Variants in SCAPER observed in about 807,000 individuals in gnomAD.
SCAPER encodes the protein S-phase cyclin A associated protein in the ER.
SCAPER carries 98 observed loss-of-function variants against 182.2 expected under a neutral mutation model. The ratio of observed to expected loss-of-function variants is 0.54; its 90% CI spans 0.46 to 0.64. SCAPER has a LOEUF of 0.64. Ranked by LOEUF, SCAPER falls within the 30% of genes least tolerant of loss-of-function variation. The probability of loss-of-function intolerance (pLI) is 0.00; values close to 1 mark genes in which losing one functional copy is unlikely to be tolerated. For missense variants in SCAPER, 1,432 were observed against 1,690.0 expected (o/e 0.85, Z 2.68); for synonymous variants, 605 against 564.6 (o/e 1.07, Z -1.01).
chr15:76,694,272 G>C (rs762079432), intron 20 of SCAPER, among the ~76,000 whole-genome samples: 1 of 152,004 alleles, frequency 6.6e-6, no homozygotes, highest in Non-Finnish European at 1.5e-5. Context: ...TCTTTCATCA[G>C]TATCTTACAG....
intron 26 of SCAPER, among the ~76,000 whole-genome samples, chr15:76,423,709 G>C (rs1427331087): frequency 6.6e-6 from 1 of 152,148 alleles, no homozygotes; most frequent in Non-Finnish European, 1.5e-5. Flanking sequence ...TAATTGTGAT[G>C]TTAGGGTGTC....
Position 76,476,595 on chromosome 15 carries a change from ATTTTTT to A in SCAPER, c.2955-5266_2955-5261del, listed in dbSNP as rs5813839. ...AGGTACACACCACAACACCCAGCTA[ATTTTTT>A]TTTTTTTTTTTTTTTTTTTTTTGTA... On this transcript the variant is annotated intron_variant, in intron 24 of 31. Transcript: ENST00000563290. Among the ~76,000 whole-genome samples, 69 of 73,528 alleles carry A rather than the reference ATTTTTT, an allele frequency of 9.4e-4. 1 individual carries two copies. The highest frequency in any genetic ancestry group is 1.2e-3 in the Non-Finnish European group (49 of 42,178). The allele number at this position is 73,528 out of a possible 152,430, so 48.2% of individuals were successfully genotyped here.
Position 76,789,173 on chromosome 15 carries a change from A to G in SCAPER, c.772+6107T>C, listed in dbSNP as rs868531457. 5.9e-5 allele frequency among the ~76,000 whole-genome samples: 9 copies of G among 152,298 alleles called. 1 individual carries two copies. The Middle Eastern group carries it at 0.014, about 230-fold the overall frequency. On this transcript the variant is annotated intron_variant, in intron 8 of 31. Coordinates refer to ENST00000563290, the MANE Select transcript of SCAPER (RefSeq NM_020843.4). ...GTCTGTGTTCAATTTTCATCTGTTT[A>G]ATGTTATTAAAATTCAGCACATATA...
intron 2 of SCAPER, among the ~76,000 whole-genome samples, chr15:76,880,496 A>C (rs1207577762): frequency 3.3e-5 from 5 of 152,238 alleles, no homozygotes; most frequent in Admixed American, 2.6e-4. Flanking sequence ...AAGTACAGTG[A>C]ATATACTTAC....
chr15:76,421,541 A>G (rs1239460626), intron 26 of SCAPER, among the ~76,000 whole-genome samples: 20 of 152,234 alleles, frequency 1.3e-4, no homozygotes, highest in Admixed American at 3.3e-4. Flanking sequence ...AGATGAGCAG[A>G]TTGCAAAAAT....
In SCAPER at chr15:76,881,244, T is replaced by C. The variant is rs867045315; in HGVS notation, c.6+2568A>G. Among the ~76,000 whole-genome samples the C allele has an allele frequency of 3.9e-5, 6 of 152,292 alleles. No homozygotes were observed. The South Asian group carries it at 8.3e-4, about 21-fold the overall frequency. On this transcript the variant is annotated intron_variant, in intron 2 of 31. Coordinates refer to ENST00000563290, the MANE Select transcript of SCAPER (RefSeq NM_020843.4). ...TCATGTAGCTGGGACTAAAGGTGCA[T>C]ATCACCATGCCAGCTAATTTTTTGT...
At position 76,814,085 on chromosome 15, in the gene SCAPER, T is replaced by C. The variant is rs11852935; in HGVS notation, c.394-9452A>G. ...CGGGAGGCTGAGGCAGAAGAATTGTTTGAACCCGGGAGGCAGAGGCTGCTG... is the reference window on the plus strand; with the variant it reads ...CGGGAGGCTGAGGCAGAAGAATTGTCTGAACCCGGGAGGCAGAGGCTGCTG... On this transcript the variant is annotated intron_variant, in intron 5 of 31. Coordinates refer to ENST00000563290, the MANE Select transcript of SCAPER (RefSeq NM_020843.4). Among the ~76,000 whole-genome samples, 1,228 of 152,178 alleles carry C rather than the reference T, an allele frequency of 8.1e-3. 12 individuals are homozygous for C. Among genetic ancestry groups the C allele is most frequent in the African/African-American group, 0.028 (1,164 of 41,516 alleles).
In SCAPER at chr15:76,594,903, G is replaced by A. The variant is rs554444745; in HGVS notation, c.2712-20619C>T. Reference sequence around the variant, plus strand: ...AAACTGTAAAGACCATCAACACTACGAAGAAATTGAATCAACTAACCGGCA... The same window carrying A: ...AAACTGTAAAGACCATCAACACTACAAAGAAATTGAATCAACTAACCGGCA... On this transcript the variant is annotated intron_variant, in intron 22 of 31. Coordinates refer to ENST00000563290, the MANE Select transcript of SCAPER (RefSeq NM_020843.4). Among the ~76,000 whole-genome samples, 48 of 121,472 alleles carry A rather than the reference G, an allele frequency of 4.0e-4. 19 individuals are homozygous for A. Among genetic ancestry groups the A allele is most frequent in the Non-Finnish European group, 9.2e-4 (46 of 50,080 alleles). 79.7% of individuals were successfully genotyped at this position (121,472 alleles called of 152,430 possible). A position where few individuals can be genotyped will look rare whatever the true frequency, so the allele number is the denominator to read the frequency against.
chr15:76,546,306 GA>G (rs1300395152), intron 23 of SCAPER, among the ~76,000 whole-genome samples: 1 of 151,952 alleles, frequency 6.6e-6, no homozygotes, highest in East Asian at 1.9e-4. Context: ...TCAAATATAA[GA>G]AAAAGATAAT....
intron 29 of SCAPER, among the ~76,000 whole-genome samples, chr15:76,357,150 T>TCACACACA (rs55912416): frequency 0.25 from 32,253 of 128,678 alleles, 4,495 homozygotes; most frequent in Middle Eastern, 0.34. Context: ...TTTATTGACA[T>TCACACACA]CACACACACA....
chr15:76,822,873 C>A (rs967240255), intron 5 of SCAPER, among the ~76,000 whole-genome samples: 2 of 152,146 alleles, frequency 1.3e-5, no homozygotes, highest in African/African-American at 2.4e-5. Context: ...GTATGTATTA[C>A]TACAACAGTC....
chr15:76,351,181 GAA>G, intron 31 of SCAPER, 54 bp downstream of exon 31: 1 of 1,490,856 alleles, frequency 6.7e-7, no homozygotes, highest in Non-Finnish European at 9.2e-7. Flanking sequence ...GAAAGGATAA[GAA>G]AGATGTCCAT....
intron 23 of SCAPER, among the ~76,000 whole-genome samples, chr15:76,551,662 C>T (rs2045781861): frequency 6.6e-6 from 1 of 152,060 alleles, no homozygotes; most frequent in East Asian, 1.9e-4. Context: ...CCATAGTTAA[C>T]AATACTCTGT....
chr15:76,855,827 G>A (rs1338470582), intron 4 of SCAPER: 4 of 425,704 alleles, frequency 9.4e-6, no homozygotes, highest in Admixed American at 7.3e-5. Flanking sequence ...TGCTGGGAGT[G>A]TAAATTAGTT....
chr15:76,857,488 C>T (rs569030055), intron 4 of SCAPER, among the ~76,000 whole-genome samples: 14 of 151,396 alleles, frequency 9.2e-5, no homozygotes, highest in Non-Finnish European at 1.8e-4. Context: ...TGGGTTCAAA[C>T]CCTGGCTGTG....
chr15:76,836,384 C>A lies in SCAPER; in HGVS notation c.393+5350G>T, dbSNP rs537668940. Among the ~76,000 whole-genome samples, 14 of 152,138 alleles carry A rather than the reference C, an allele frequency of 9.2e-5. 1 individual carries two copies. The East Asian group carries it at 2.1e-3, about 23-fold the overall frequency. ...AAATCAGATACATATAACAATGAAA[C>A]TAGTTAGGGAACCCAGAAATAAAGC... On this transcript the variant is annotated intron_variant, in intron 5 of 31. Transcript: ENST00000563290.
Position 76,404,658 on chromosome 15 carries a change from C to A in SCAPER, c.3333G>T (p.Leu1111=), listed in dbSNP as rs1567070614. 1.7e-5 allele frequency: 28 copies of A among 1,612,282 alleles called. No homozygotes were observed. The highest frequency in any genetic ancestry group is 2.4e-5 in the Non-Finnish European group (28 of 1,179,492). The change falls in exon 27 of 32, where the codon CTG becomes CTT. Residue 1111 remains leucine (L), a synonymous_variant. Coordinates refer to ENST00000563290, the MANE Select transcript of SCAPER (RefSeq NM_020843.4). ...DLISYVVNMG[L]IDKLCACFLS... ...GGAAGCAGGCACACAGTTTGTCAAT[C>A]AGACCCATGTTCACCACGTAGCTAG...
At chr15:76,705,715 GC>G (rs1345533942) in intron 18 of SCAPER, among the ~76,000 whole-genome samples, 187 bp downstream of exon 18, 1 of 151,538 alleles carries the variant, frequency 6.6e-6, no homozygotes, top group Non-Finnish European at 1.5e-5. Flanking sequence ...TTCCTCAATG[GC>G]CCTACCATAT....
intron 8 of SCAPER, among the ~76,000 whole-genome samples, chr15:76,792,254 C>T (rs2065049996): frequency 6.6e-6 from 1 of 152,090 alleles, no homozygotes; most frequent in African/African-American, 2.4e-5. Context: ...AACTTCCAAG[C>T]TTCCAGATTA....
Sources: allele counts gnomAD v4.1 joint callset (sites outside exome capture counted in the v4.1 genomes callset), GRCh38; gene constraint gnomAD v4.1.1; transcripts MANE v1.5; gene names NCBI Gene and HGNC (gene_info 2026-07-23, HGNC 2026-07-21).